The following RBFOX1 variants were observed in gnomAD, a reference collection of about 807,000 sequenced individuals.
RBFOX1 encodes the protein RNA binding protein fox-1 homolog 1.
RBFOX1 carries 8 observed loss-of-function variants against 57.7 expected under a neutral mutation model. The ratio of observed to expected loss-of-function variants is 0.14; its 90% CI spans 0.08 to 0.25. RBFOX1 has a LOEUF of 0.25. RBFOX1 is among the 10% of genes least tolerant of loss of function. The pLI is 1.00. For missense variants in RBFOX1, 611 were observed against 548.5 expected (o/e 1.11, Z -1.14); for synonymous variants, 326 against 222.4 (o/e 1.47, Z -4.15).
At chr16:6,185,487 C>G (rs922364599) in intron 1 of RBFOX1, among the ~76,000 whole-genome samples, 37 of 152,310 alleles carry the variant, frequency 2.4e-4, no homozygotes, top group African/African-American at 5.3e-4. Context: ...AGAACTCAAA[C>G]CAGAGCCTTG....
intron 3 of RBFOX1, among the ~76,000 whole-genome samples, chr16:5,797,789 A>G (rs1277552182): frequency 6.6e-6 from 1 of 152,202 alleles, no homozygotes; most frequent in Non-Finnish European, 1.5e-5. Context: ...CACAGCAGAT[A>G]GTGATTAATT....
rs561621718 is a variant in RBFOX1 at position 5,648,012 on chromosome 16, A to G, written c.318+49051A>G. Among the ~76,000 whole-genome samples, 3 of 152,282 alleles carry G rather than the reference A, an allele frequency of 2.0e-5. No individual in the cohort carries two copies. The South Asian group carries it at 6.2e-4, about 32-fold the overall frequency. On this transcript the variant is annotated intron_variant, in intron 3 of 19. Transcript: ENST00000641259. ...GTAGCTTGGAGTATAGGCATGCAGC[A>G]CTGTCCCTGATTAATTTTTGTATTT...
chr16:7,692,846 T>C (rs1385939737), intron 14 of RBFOX1, among the ~76,000 whole-genome samples: 2 of 152,168 alleles, frequency 1.3e-5, no homozygotes, highest in East Asian at 3.9e-4. Context: ...CCATAACACA[T>C]CACCATATAA....
At chr16:5,422,725 A>G (rs1596993599) in intron 1 of RBFOX1, among the ~76,000 whole-genome samples, 1 of 112,540 alleles carries the variant, frequency 8.9e-6, no homozygotes, top group Non-Finnish European at 1.8e-5. Flanking sequence ...AGGAGGAGGG[A>G]GAGGGAGCAG....
chr16:5,879,058 C>A (rs1470783494), intron 4 of RBFOX1, among the ~76,000 whole-genome samples: 1 of 152,218 alleles, frequency 6.6e-6, no homozygotes, highest in East Asian at 1.9e-4. Flanking sequence ...GTAGCCCCCT[C>A]CTTACAGCTC....
chr16:6,806,887 G>A (rs1309095371), intron 3 of RBFOX1, among the ~76,000 whole-genome samples: 3 of 119,716 alleles, frequency 2.5e-5, no homozygotes, highest in Admixed American at 9.2e-5. Flanking sequence ...AGGCTGGAGT[G>A]CAATAGCATG....
chr16:6,268,742 A>T (rs903924629), intron 1 of RBFOX1, among the ~76,000 whole-genome samples: 1 of 152,234 alleles, frequency 6.6e-6, no homozygotes, highest in Non-Finnish European at 1.5e-5. Context: ...AACACACAAC[A>T]CACAAACATG....
At chr16:6,485,291 T>A (rs1387502274) in intron 2 of RBFOX1, among the ~76,000 whole-genome samples, 2 of 152,196 alleles carry the variant, frequency 1.3e-5, no homozygotes, top group Admixed American at 1.3e-4. Context: ...GAGGGAATTG[T>A]TAATCTGAGG....
At chr16:6,500,213 C>G (rs2095872428) in intron 2 of RBFOX1, among the ~76,000 whole-genome samples, 1 of 152,252 alleles carries the variant, frequency 6.6e-6, no homozygotes, top group South Asian at 2.1e-4. Flanking sequence ...AGAATGGTAT[C>G]TTCTATTTTT....
chr16:5,493,786 G>A (rs1317711731), intron 2 of RBFOX1, among the ~76,000 whole-genome samples: 1 of 152,202 alleles, frequency 6.6e-6, no homozygotes, highest in Non-Finnish European at 1.5e-5. Context: ...GACCTTGAAC[G>A]CACAAGGTAA....
chr16:6,921,891 T>G (rs372909955), intron 3 of RBFOX1, among the ~76,000 whole-genome samples: 1 of 152,022 alleles, frequency 6.6e-6, no homozygotes, highest in Non-Finnish European at 1.5e-5. Context: ...AGGAGGAGAT[T>G]ATGCAAGGGT....
At chr16:7,015,507 G>A (rs1478727) in intron 3 of RBFOX1, among the ~76,000 whole-genome samples, 122,565 of 152,068 alleles carry the variant, frequency 0.81, 50,001 homozygotes, top group African/African-American at 0.93. Flanking sequence ...AGGAAAAAGT[G>A]TTTTTCCCTT....
chr16:7,366,713 T>G (rs2097456697), intron 4 of RBFOX1, among the ~76,000 whole-genome samples: 1 of 152,070 alleles, frequency 6.6e-6, no homozygotes, highest in Non-Finnish European at 1.5e-5. Flanking sequence ...ATTAAAATGG[T>G]GCCAGAGACC....
intron 3 of RBFOX1, among the ~76,000 whole-genome samples, chr16:5,807,391 G>A (rs1437465007): frequency 6.6e-6 from 1 of 152,106 alleles, no homozygotes; most frequent in Non-Finnish European, 1.5e-5. Context: ...CTGTGAGCTG[G>A]GTCCCTGCCA....
rs180955216 is a variant in RBFOX1 at position 6,462,212 on chromosome 16, T to C, written c.-64+145155T>C. ...GAGTTAATGTGTGGCCTCCTCCCCATCTACCTTCGCAGTCCTCCAGTCTCA... is the reference window on the plus strand; with the variant it reads ...GAGTTAATGTGTGGCCTCCTCCCCACCTACCTTCGCAGTCCTCCAGTCTCA... On this transcript the variant is annotated intron_variant, in intron 2 of 15. Coordinates refer to ENST00000550418, the MANE Select transcript of RBFOX1 (RefSeq NM_018723.4). Among the ~76,000 whole-genome samples, 351 of 152,294 alleles carry C rather than the reference T, an allele frequency of 2.3e-3. 3 individuals carry two copies. Among genetic ancestry groups the C allele is most frequent in the Non-Finnish European group, 8.5e-4 (58 of 68,010 alleles).
intron 3 of RBFOX1, among the ~76,000 whole-genome samples, chr16:6,786,347 A>G (rs568907284): frequency 1.6e-4 from 25 of 152,264 alleles, no homozygotes; most frequent in Admixed American, 1.2e-3. Context: ...TACCCCCACA[A>G]TGAGGAGAGT....
intron 3 of RBFOX1, among the ~76,000 whole-genome samples, chr16:6,694,685 C>G (rs1159868545): frequency 1.3e-5 from 2 of 152,124 alleles, no homozygotes; most frequent in African/African-American, 2.4e-5. Context: ...AAGATGGCCA[C>G]CAGGAGCCAC....
intron 4 of RBFOX1, among the ~76,000 whole-genome samples, chr16:7,435,192 C>T (rs1331411588): frequency 6.6e-6 from 1 of 152,008 alleles, no homozygotes; most frequent in South Asian, 2.1e-4. Flanking sequence ...TTCTTCTCCC[C>T]TTCTGGTCTG....
chr16:5,992,395 G>A (rs190418408), intron 4 of RBFOX1, among the ~76,000 whole-genome samples: 3 of 152,296 alleles, frequency 2.0e-5, no homozygotes, highest in East Asian at 3.9e-4. Context: ...CGAGACCAAT[G>A]GGTAACCCTT....
Sources: allele counts gnomAD v4.1 joint callset (sites outside exome capture counted in the v4.1 genomes callset), GRCh38; gene constraint gnomAD v4.1.1; transcripts MANE v1.5; gene names NCBI Gene and HGNC (gene_info 2026-07-23, HGNC 2026-07-21).